The following WDR75 variants were observed in gnomAD, a reference collection of about 807,000 sequenced individuals.
The protein encoded by WDR75 is WD repeat-containing protein 75.
A neutral mutation model predicts 106.1 loss-of-function variants in WDR75; 52 were observed. That is an observed-to-expected ratio of 0.49 (90% CI 0.39 to 0.62). WDR75 has a LOEUF of 0.62. Among genes scored for constraint, WDR75 ranks in the 20% least tolerant of loss-of-function variants. The probability of loss-of-function intolerance (pLI) is 0.00; values close to 1 mark genes in which losing one functional copy is unlikely to be tolerated. For synonymous variants in WDR75, 333 were observed against 335.5 expected (o/e 0.99, Z 0.08); for missense variants, 905 against 970.3 (o/e 0.93, Z 0.89).
At chr2:189,466,645 C>G (rs1687007469) in intron 13 of WDR75, 63 bp downstream of exon 13, 1 of 1,509,278 alleles carries the variant, frequency 6.6e-7, no homozygotes, top group East Asian at 2.3e-5. Flanking sequence ...TTCTTTTTCT[C>G]ATGACTTGTA....
At chr2:189,465,306 C>G (rs758322940) in intron 12 of WDR75, 52 bp downstream of exon 12, 9 of 1,496,364 alleles carry the variant, frequency 6.0e-6, no homozygotes, top group Non-Finnish European at 8.1e-6. Flanking sequence ...TATTTCACTT[C>G]CCATTTTACA....
intron 1 of WDR75, among the ~76,000 whole-genome samples, chr2:189,443,148 T>C (rs563361842): frequency 6.6e-6 from 1 of 152,314 alleles, no homozygotes; most frequent in East Asian, 1.9e-4. Context: ...AAAGGAATAC[T>C]CAGTAACAGA....
Position 189,463,675 on chromosome 2 carries a change from TA to T in WDR75, c.938-18del. ...TCTAACCTATTGATATTTAAATACC[TA>T]TTTTTTTCTACCCACAGAGATAATA... On this transcript the variant is annotated intron_variant, in intron 9 of 20. Transcript: ENST00000314761. The T allele has an allele frequency of 6.2e-7, 1 of 1,613,246 alleles. No homozygotes were observed. Among genetic ancestry groups the T allele is most frequent in the East Asian group, 2.2e-5 (1 of 44,868 alleles).
chr2:189,449,954 C>T, intron 2 of WDR75: 1 of 985,078 alleles, frequency 1.0e-6, no homozygotes, highest in Non-Finnish European at 1.2e-6. Flanking sequence ...ACAACGACAA[C>T]AAAATCTAGC....
Position 189,474,346 on chromosome 2 carries a change from A to C in WDR75, c.2196+14A>C. 1 of 1,601,160 alleles carries C rather than the reference A, an allele frequency of 6.2e-7. No homozygotes were observed. The highest frequency in any genetic ancestry group is 1.1e-5 in the South Asian group (1 of 87,576). Reference sequence around the variant, plus strand: ...GCAATTAGTGAGGTAAGTAATTATGAAAACCATGTGAAACAGATTAAATGC... The same window carrying C: ...GCAATTAGTGAGGTAAGTAATTATGCAAACCATGTGAAACAGATTAAATGC... On this transcript the variant is annotated intron_variant, in intron 19 of 20. Coordinates refer to ENST00000314761, the MANE Select transcript of WDR75 (RefSeq NM_032168.3).
intron 2 of WDR75, chr2:189,450,682 T>A: frequency 5.2e-6 from 7 of 1,344,906 alleles, no homozygotes; most frequent in Non-Finnish European, 6.6e-6. Flanking sequence ...GCTTTTTTCC[T>A]CTCTCTTTTA....
At chr2:189,467,712 T>A in intron 14 of WDR75, 64 bp downstream of exon 14, 5 of 1,429,810 alleles carry the variant, frequency 3.5e-6, no homozygotes, top group Non-Finnish European at 4.7e-6. Flanking sequence ...GTCTTAAAAC[T>A]TTAGTAGTCA....
At chr2:189,454,913 T>TA (rs1404927160) in intron 4 of WDR75, among the ~76,000 whole-genome samples, 1 of 152,156 alleles carries the variant, frequency 6.6e-6, no homozygotes, top group Non-Finnish European at 1.5e-5. Flanking sequence ...AGCCTAGAAT[T>TA]ATTATCTTGC....
At chr2:189,469,970 A>ATGGG in intron 16 of WDR75, 106 bp from the exon 17 acceptor site, 2 of 971,902 alleles carry the variant, frequency 2.1e-6, no homozygotes, top group Non-Finnish European at 3.1e-6. Context: ...GACTTGGGCC[A>ATGGG]GTTACTCAAT....
rs11395971 is a variant in WDR75, at chr2:189,457,924, C to CTTT, written c.569+560_569+562dup. Among the ~76,000 whole-genome samples, 774 of 116,306 alleles carry CTTT rather than the reference C, an allele frequency of 6.7e-3. 40 individuals carry two copies. The highest frequency in any genetic ancestry group is 0.022 in the African/African-American group (669 of 30,298). 76.3% of individuals were successfully genotyped at this position (116,306 alleles called of 152,430 possible). ...CTTCCCTTTTACCCTGCCAAGATTGCTTTTTTTTTTTTTTTTTTTGAGATG... is the reference window on the plus strand; with the variant it reads ...CTTCCCTTTTACCCTGCCAAGATTGCTTTTTTTTTTTTTTTTTTTTTTGAGATG... On this transcript the variant is annotated intron_variant, in intron 6 of 20. Coordinates refer to ENST00000314761, the MANE Select transcript of WDR75 (RefSeq NM_032168.3).
intron 18 of WDR75, among the ~76,000 whole-genome samples, chr2:189,473,015 C>T (rs536845294): frequency 2.0e-5 from 3 of 152,046 alleles, no homozygotes; most frequent in South Asian, 2.1e-4. Context: ...GTCAGGAGTT[C>T]GAGACCAGCC....
At chr2:189,470,397 A>G (rs766431342) in intron 17 of WDR75, 152 bp downstream of exon 17, 14 of 775,992 alleles carry the variant, frequency 1.8e-5, no homozygotes, top group African/African-American at 3.5e-5. Context: ...GTACAGCAGC[A>G]TTATTAATGT....
At chr2:189,457,233 C>G in intron 5 of WDR75, 78 bp from the exon 6 acceptor site, 1 of 1,003,886 alleles carries the variant, frequency 1.0e-6, no homozygotes, top group African/African-American at 1.7e-5. Context: ...AAGAGCGAGA[C>G]TTTGTCTCAA....
In WDR75 at chr2:189,447,780, A is replaced by T. The variant is rs140245574; in HGVS notation, c.87-599A>T. On this transcript the variant is annotated intron_variant, in intron 1 of 20. Coordinates refer to ENST00000314761, the MANE Select transcript of WDR75 (RefSeq NM_032168.3). ...AAAGGCACACAAATTTGAGTATACA[A>T]TTCTTAAACTATACCAAAAGAAATG... Among the ~76,000 whole-genome samples, 29 of 152,340 alleles carry T rather than the reference A, an allele frequency of 1.9e-4. No homozygotes were observed. The East Asian group carries it at 5.6e-3, about 29-fold the overall frequency.
intron 6 of WDR75, among the ~76,000 whole-genome samples, chr2:189,457,601 A>G (rs1240617807): frequency 6.6e-6 from 1 of 150,578 alleles, no homozygotes; most frequent in African/African-American, 2.5e-5. Flanking sequence ...CAAAAGCCCT[A>G]TACACTGAAT....
At chr2:189,456,734 T>C (rs1686744453) in intron 5 of WDR75, among the ~76,000 whole-genome samples, 1 of 152,202 alleles carries the variant, frequency 6.6e-6, no homozygotes, top group African/African-American at 2.4e-5. Flanking sequence ...CATTGCATTT[T>C]AGTGTATATA....
Position 189,474,216 on chromosome 2 carries a change from C to A in WDR75, c.2080C>A (p.Pro694Thr). Reference sequence around the variant, plus strand: ...AGCAGAAGAAAGTCTTCCCACAACCCCATTTTATTTCATATTGGGAAAACA... The same window carrying A: ...AGCAGAAGAAAGTCTTCCCACAACCACATTTTATTTCATATTGGGAAAACA... ...LLAEESLPTT[P>T]FYFILGKHRQ... The change falls in exon 19 of 21, where the codon CCA becomes ACA. Residue 694 changes from proline to threonine, a missense_variant. Coordinates refer to ENST00000314761, the MANE Select transcript of WDR75 (RefSeq NM_032168.3). 1 of 1,613,028 alleles carries A rather than the reference C, an allele frequency of 6.2e-7. No homozygotes were observed. The highest frequency in any genetic ancestry group is 8.5e-7 in the Non-Finnish European group (1 of 1,179,588).
intron 4 of WDR75, among the ~76,000 whole-genome samples, chr2:189,453,727 C>T (rs986465981): frequency 6.6e-6 from 1 of 152,174 alleles, no homozygotes; most frequent in Non-Finnish European, 1.5e-5. Context: ...AAAAGATCCC[C>T]TGTGCTAGCT....
chr2:189,451,069 CT>C (rs1686613158), intron 3 of WDR75, 101 bp downstream of exon 3: 2 of 1,347,946 alleles, frequency 1.5e-6, no homozygotes, highest in African/African-American at 3.0e-5. Flanking sequence ...TTTAAATAGA[CT>C]TCCTAAACAA....
Sources: gnomAD v4.1 joint callset for allele counts (sites outside exome capture counted in the v4.1 genomes callset) on GRCh38, gnomAD v4.1.1 for gene constraint, MANE v1.5 for transcripts, NCBI Gene and HGNC (gene_info 2026-07-23, HGNC 2026-07-21) for gene names.